Variants in MYO3A observed in about 807,000 individuals in gnomAD.
MYO3A encodes myosin IIIA.
A neutral mutation model predicts 192.7 loss-of-function variants in MYO3A; 180 were observed. The ratio of observed to expected loss-of-function variants is 0.93; its 90% CI spans 0.83 to 1.06. The LOEUF is 1.06. Among genes scored for constraint, MYO3A ranks in the 50% least tolerant of loss-of-function variants. The pLI, the probability that MYO3A is intolerant of heterozygous loss-of-function variation, is 0.00. For synonymous variants in MYO3A, 628 were observed against 645.3 expected (o/e 0.97, Z 0.41); for missense variants, 1,896 against 1,905.0 (o/e 1.00, Z 0.09).
At chr10:26,191,482 A>T (rs1215365934) in intron 31 of MYO3A, among the ~76,000 whole-genome samples, 1 of 152,236 alleles carries the variant, frequency 6.6e-6, no homozygotes, top group Non-Finnish European at 1.5e-5. Flanking sequence ...ACTAATCTGT[A>T]CTAACATGGT....
chr10:26,039,207 A>ATTTTTTTTTTTTTTTT (rs34416918), intron 10 of MYO3A, among the ~76,000 whole-genome samples: 21 of 106,842 alleles, frequency 2.0e-4, no homozygotes, highest in African/African-American at 3.5e-4. Context: ...GGCTCGGCTA[A>ATTTTTTTTTTTTTTTT]TTTTTTTTTT....
chr10:26,039,106 T>C (rs1452401291), intron 10 of MYO3A, among the ~76,000 whole-genome samples: 3 of 152,014 alleles, frequency 2.0e-5, no homozygotes, highest in Non-Finnish European at 2.9e-5. Context: ...AATGGCGTGA[T>C]CTCGGCTCAC....
At chr10:26,149,755 A>G (rs535191251) in intron 23 of MYO3A, among the ~76,000 whole-genome samples, 5 of 152,262 alleles carry the variant, frequency 3.3e-5, no homozygotes, top group Middle Eastern at 3.4e-3. Context: ...TTGTGGTGAG[A>G]ACACTTAAAA....
chr10:26,141,505 C>A (rs1036842055), intron 20 of MYO3A, among the ~76,000 whole-genome samples: 1 of 152,114 alleles, frequency 6.6e-6, no homozygotes, highest in African/African-American at 2.4e-5. Context: ...TCTGTGTAAC[C>A]CGCCACAAAA....
At chr10:26,085,536 T>A (rs528316958) in intron 14 of MYO3A, among the ~76,000 whole-genome samples, 1 of 152,336 alleles carries the variant, frequency 6.6e-6, no homozygotes, top group African/African-American at 2.4e-5. Flanking sequence ...GAGTACCTTG[T>A]TTAATTTCCA....
At chr10:26,062,485 C>A (rs1222185271) in intron 10 of MYO3A, among the ~76,000 whole-genome samples, 1 of 136,830 alleles carries the variant, frequency 7.3e-6, no homozygotes, top group African/African-American at 2.8e-5. Flanking sequence ...CCACTGCACT[C>A]TGGCCTGGCG....
chr10:26,131,985 T>G (rs1839561805), intron 20 of MYO3A, among the ~76,000 whole-genome samples: 1 of 152,242 alleles, frequency 6.6e-6, no homozygotes, highest in East Asian at 1.9e-4. Flanking sequence ...AGTATTCATA[T>G]TTCAGCCTTC....
intron 29 of MYO3A, 63 bp from the exon 30 acceptor site, chr10:26,173,600 G>A: frequency 6.9e-7 from 1 of 1,457,320 alleles, no homozygotes; most frequent in Non-Finnish European, 9.5e-7. Flanking sequence ...TATAACTATT[G>A]CCAATAGAAG....
chr10:25,962,854 A>G (rs1167139426), intron 4 of MYO3A, among the ~76,000 whole-genome samples: 1 of 152,168 alleles, frequency 6.6e-6, no homozygotes, highest in African/African-American at 2.4e-5. Flanking sequence ...AAAGGGGAGA[A>G]CTGAGATTTA....
At chr10:26,005,611 C>A (rs781483683) in intron 6 of MYO3A, among the ~76,000 whole-genome samples, 1 of 152,082 alleles carries the variant, frequency 6.6e-6, no homozygotes, top group African/African-American at 2.4e-5. Flanking sequence ...CCACCTTACT[C>A]TCAGATGGTT....
intron 14 of MYO3A, among the ~76,000 whole-genome samples, chr10:26,081,133 T>TCCCCCCCCCCCCCCCCCCCCC (rs60099269): frequency 2.4e-5 from 2 of 84,982 alleles, no homozygotes; most frequent in African/African-American, 4.2e-5. Flanking sequence ...TATATGCCCT[T>TCCCCCCCCCCCCCCCCCCCCC]CCCCCCCCCC....
intron 31 of MYO3A, among the ~76,000 whole-genome samples, chr10:26,178,703 A>T (rs1216651495): frequency 6.6e-6 from 1 of 152,172 alleles, no homozygotes; most frequent in Admixed American, 6.5e-5. Flanking sequence ...AAGGGAACTC[A>T]GACAGTCTGA....
chr10:25,952,522 C>T (rs1564399364), intron 3 of MYO3A, among the ~76,000 whole-genome samples: 1 of 152,042 alleles, frequency 6.6e-6, no homozygotes, highest in Non-Finnish European at 1.5e-5. Context: ...CAGCTCTCAA[C>T]CGACGATATT....
At chr10:26,074,016 C>T (rs934385417) in intron 14 of MYO3A, among the ~76,000 whole-genome samples, 2 of 152,034 alleles carry the variant, frequency 1.3e-5, no homozygotes, top group African/African-American at 2.4e-5. Context: ...TGAGGATACA[C>T]ACTTTGATTT....
At chr10:26,031,207 G>A (rs80157259) in intron 10 of MYO3A, among the ~76,000 whole-genome samples, 9,276 of 152,244 alleles carry the variant, frequency 0.061, 366 homozygotes, top group Non-Finnish European at 0.088. Flanking sequence ...GCAGTTTAGC[G>A]GACAACATTG....
In MYO3A at chr10:26,061,224, C is replaced by T. The variant is rs1470351412; in HGVS notation, c.954-5751C>T. On this transcript the variant is annotated intron_variant, in intron 10 of 34. Coordinates refer to ENST00000642920, the MANE Select transcript of MYO3A (RefSeq NM_017433.5). The stretch of plus-strand genomic sequence containing the variant: ...GATTACAGGTGTGAGCCACCACGCC[C>T]GGCCGACACCTTGTTTTTTGCAGCT... Among the ~76,000 whole-genome samples, 7 of 152,266 alleles carry T rather than the reference C, an allele frequency of 4.6e-5. No homozygotes were observed. The East Asian group carries it at 7.7e-4, about 17-fold the overall frequency.
rs117152269 is a variant in MYO3A, at chr10:26,178,296, A to C, written c.4438+1451A>C. Among the ~76,000 whole-genome samples the C allele has an allele frequency of 4.6e-5, 7 of 152,262 alleles. No individual in the cohort carries two copies. In the East Asian group the frequency reaches 1.4e-3, roughly 29 times the overall value. ...AAATGGGAGGCAGCGTCCTGGGAGG[A>C]AGTAGAGGTCGCCACCAAGATTTTC... On this transcript the variant is annotated intron_variant, in intron 31 of 34. Coordinates refer to ENST00000642920, the MANE Select transcript of MYO3A (RefSeq NM_017433.5).
intron 29 of MYO3A, among the ~76,000 whole-genome samples, chr10:26,171,644 A>T (rs908190873): frequency 6.6e-6 from 1 of 152,072 alleles, no homozygotes; most frequent in Non-Finnish European, 1.5e-5. Context: ...GCTTGTGAGG[A>T]TCCAAATGAT....
intron 10 of MYO3A, among the ~76,000 whole-genome samples, chr10:26,057,250 A>G (rs12784683): frequency 0.47 from 71,888 of 151,982 alleles, 17,853 homozygotes; most frequent in Middle Eastern, 0.59. Flanking sequence ...CAAATTGAGG[A>G]AAGGACAACT....
Sources: gnomAD v4.1 joint callset for allele counts (sites outside exome capture counted in the v4.1 genomes callset) on GRCh38, gnomAD v4.1.1 for gene constraint, MANE v1.5 for transcripts, NCBI Gene and HGNC (gene_info 2026-07-23, HGNC 2026-07-21) for gene names.